PCDH11X: variants seen among roughly 807,000 people sequenced by gnomAD.
PCDH11X encodes the protein protocadherin-11 X-linked.
In PCDH11X, 18 loss-of-function variants were observed where a neutral mutation model predicts 53.3. That is an observed-to-expected ratio of 0.34 (90% CI 0.23 to 0.50). The LOEUF (loss-of-function observed/expected upper bound fraction) is 0.50, where lower values mean the gene tolerates loss of function less well. Among genes scored for constraint, PCDH11X ranks in the 20% least tolerant of loss-of-function variants. PCDH11X has a pLI of 0.98. For synonymous variants in PCDH11X, 279 were observed against 393.3 expected (o/e 0.71, Z 3.44); for missense variants, 570 against 1,032.4 (o/e 0.55, Z 6.14).
chrX:92,242,197 C>T (rs2067273928), intron 7 of PCDH11X, among the ~76,000 whole-genome samples: 1 of 110,618 alleles, frequency 9.0e-6, no homozygotes, highest in African/African-American at 3.3e-5. Flanking sequence ...CTTCTTTATG[C>T]GTAACCTCTG....
chrX:92,087,943 G>T (rs1379192240), intron 6 of PCDH11X, among the ~76,000 whole-genome samples: 10 of 104,420 alleles, frequency 9.6e-5, no homozygotes, highest in Admixed American at 3.2e-4. Context: ...ATATATATAT[G>T]ATATATATAT....
At chrX:91,989,305 G>A (rs1007352879) in intron 6 of PCDH11X, among the ~76,000 whole-genome samples, 6 of 111,553 alleles carry the variant, frequency 5.4e-5, no homozygotes, top group Non-Finnish European at 9.4e-5. Flanking sequence ...GCTCATGCCT[G>A]TAATCCCAGC....
chrX:92,113,309 G>C (rs762341904), intron 6 of PCDH11X: 1 of 1,196,952 alleles, frequency 8.4e-7, no homozygotes, highest in Non-Finnish European at 1.1e-6. Context: ...TCAATGTCTC[G>C]AAGAGTCCTC....
chrX:91,789,393 C>A (rs1251451643), intron 1 of PCDH11X, among the ~76,000 whole-genome samples: 1 of 83,927 alleles, frequency 1.2e-5, no homozygotes, highest in African/African-American at 4.4e-5. Context: ...AAAACCTTTA[C>A]ATGAGAGCTC....
intron 6 of PCDH11X, among the ~76,000 whole-genome samples, chrX:92,172,891 T>C (rs1057231359): frequency 1.8e-5 from 2 of 111,901 alleles, no homozygotes; most frequent in Admixed American, 9.5e-5. Flanking sequence ...ACTTAAGGTG[T>C]AGTACTTAAG....
At chrX:92,004,077 TTG>T (rs2062556286) in intron 6 of PCDH11X, among the ~76,000 whole-genome samples, 1 of 109,786 alleles carries the variant, frequency 9.1e-6, no homozygotes, top group Non-Finnish European at 1.9e-5. Context: ...TTTTGGTATG[TTG>T]TGTTTCCATT....
intron 6 of PCDH11X, among the ~76,000 whole-genome samples, chrX:91,894,261 C>T (rs1164327719): frequency 8.9e-6 from 1 of 111,873 alleles, no homozygotes; most frequent in African/African-American, 3.2e-5. Context: ...AAAATAAAAG[C>T]AGCTATTAAC....
intron 6 of PCDH11X, among the ~76,000 whole-genome samples, chrX:91,992,102 G>A (rs1156549475): frequency 9.5e-6 from 1 of 105,681 alleles, no homozygotes; most frequent in Non-Finnish European, 1.9e-5. Flanking sequence ...ATGCTATTCT[G>A]CTCCTTATTT....
chrX:92,569,965 G>A (rs1364728380), intron 10 of PCDH11X, among the ~76,000 whole-genome samples: 6 of 92,197 alleles, frequency 6.5e-5, no homozygotes, highest in Admixed American at 1.4e-4. Flanking sequence ...GCAGTGAGCC[G>A]AGATCGCACC....
In PCDH11X at chrX:92,575,999, TATATATATATATAC is replaced by T. The variant is rs1356517761; in HGVS notation, c.3368-42263_3368-42250del. Among the ~76,000 whole-genome samples the T allele has an allele frequency of 3.9e-4, 15 of 38,402 alleles. 1 individual carries two copies. The highest frequency in any genetic ancestry group is 1.5e-3 in the African/African-American group (14 of 9,039). The allele number at this position is 38,402 out of a possible 115,157, so 33.3% of individuals were successfully genotyped here. The stretch of plus-strand genomic sequence containing the variant: ...GGGTGTATATATATATATATATATA[TATATATATATATAC>T]ACACACACACACACACACACACACA... On this transcript the variant is annotated intron_variant, in intron 10 of 10. Coordinates refer to ENST00000682573, the MANE Select transcript of PCDH11X (RefSeq NM_032968.5).
chrX:91,933,690 G>A (rs1602519982), intron 6 of PCDH11X, among the ~76,000 whole-genome samples: 2 of 111,250 alleles, frequency 1.8e-5, no homozygotes, highest in African/African-American at 6.5e-5. Flanking sequence ...AAAAATCCAT[G>A]CATATTTATG....
chrX:92,556,620 G>C (rs1239812500), intron 10 of PCDH11X, among the ~76,000 whole-genome samples: 1 of 111,933 alleles, frequency 8.9e-6, no homozygotes, highest in Admixed American at 9.5e-5. Context: ...GGCTTTGTAG[G>C]GTACAGCCCT....
At chrX:92,564,825 A>G (rs1156765511) in intron 10 of PCDH11X, among the ~76,000 whole-genome samples, 1 of 111,120 alleles carries the variant, frequency 9.0e-6, no homozygotes, top group African/African-American at 3.3e-5. Flanking sequence ...AAACAAAGGG[A>G]AGAGACAACC....
intron 4 of PCDH11X, among the ~76,000 whole-genome samples, chrX:91,823,845 C>T (rs1360910502): frequency 9.9e-5 from 11 of 111,045 alleles, no homozygotes; most frequent in Non-Finnish European, 2.1e-4. Context: ...GCGCTTCCTT[C>T]AGCAGCTCTT....
At chrX:92,539,748 T>C (rs2074725703) in intron 10 of PCDH11X, among the ~76,000 whole-genome samples, 1 of 111,977 alleles carries the variant, frequency 8.9e-6, no homozygotes, top group South Asian at 3.7e-4. Flanking sequence ...TTTGAGAAGG[T>C]TTTCCATGTA....
intron 7 of PCDH11X, among the ~76,000 whole-genome samples, chrX:92,229,368 C>A (rs1239833650): frequency 3.2e-4 from 35 of 110,957 alleles, no homozygotes; most frequent in Non-Finnish European, 1.9e-5. Flanking sequence ...AAGGTCTCAT[C>A]TTTCTCCTCA....
intron 9 of PCDH11X, among the ~76,000 whole-genome samples, chrX:92,421,607 A>G (rs945082350): frequency 4.5e-5 from 5 of 111,923 alleles, no homozygotes; most frequent in African/African-American, 1.6e-4. Context: ...AACGATTTAC[A>G]TTCCTTTAGG....
chrX:92,333,699 A>G (rs1301077788), intron 8 of PCDH11X, among the ~76,000 whole-genome samples: 1 of 110,905 alleles, frequency 9.0e-6, no homozygotes, highest in Non-Finnish European at 1.9e-5. Context: ...TGGTTTATAT[A>G]CTTTGTTCCA....
At chrX:92,234,456 C>G (rs1295569696) in intron 7 of PCDH11X, among the ~76,000 whole-genome samples, 2 of 111,804 alleles carry the variant, frequency 1.8e-5, no homozygotes, top group African/African-American at 3.3e-5. Context: ...CTTTTGAAAC[C>G]AGACATATCA....
Sources: gnomAD v4.1 joint callset for allele counts (sites outside exome capture counted in the v4.1 genomes callset) on GRCh38, gnomAD v4.1.1 for gene constraint, MANE v1.5 for transcripts, NCBI Gene and HGNC (gene_info 2026-07-23, HGNC 2026-07-21) for gene names.